TRDN: variants seen among roughly 807,000 people sequenced by gnomAD.
The protein encoded by TRDN is triadin in skeletal muscle.
TRDN carries 161 observed loss-of-function variants against 149.7 expected under a neutral mutation model. The observed-to-expected ratio is 1.08, with a 90% CI of 0.95 to 1.23. The LOEUF (loss-of-function observed/expected upper bound fraction) is 1.23. Ranked by LOEUF, TRDN falls within the 50% of genes most tolerant of loss-of-function variation. The pLI, the probability that TRDN is intolerant of heterozygous loss-of-function variation, is 0.00. For missense variants in TRDN, 896 were observed against 823.5 expected (o/e 1.09, Z -1.08); for synonymous variants, 294 against 250.5 (o/e 1.17, Z -1.64).
chr6:123,355,896 C>T (rs1050298378), intron 20 of TRDN, among the ~76,000 whole-genome samples: 31 of 151,858 alleles, frequency 2.0e-4, no homozygotes, highest in African/African-American at 7.0e-4. Flanking sequence ...TATATTAGAA[C>T]AGCATTGTAG....
intron 2 of TRDN, among the ~76,000 whole-genome samples, chr6:123,567,894 A>G (rs1050062337): frequency 6.6e-6 from 1 of 152,174 alleles, no homozygotes; most frequent in Non-Finnish European, 1.5e-5. Context: ...GCAAAATACA[A>G]TCATCCCCGA....
chr6:123,331,888 T>C lies in TRDN; in HGVS notation c.1462A>G (p.Lys488Glu), dbSNP rs1443718622. The change falls in exon 23 of 41, where the codon AAG (lysine) becomes GAG (glutamate). Residue 488 changes from lysine (K) to glutamate (E), a missense_variant. Transcript: ENST00000334268. ...GKEEKVPASL[K>E]EKEPETKKDE... Reference sequence around the variant, plus strand: ...CATTGTATAATATTACCTTTTTCCTTTAGGGAAGCTGGAACTTTCTCTTCT... The same window carrying C: ...CATTGTATAATATTACCTTTTTCCTCTAGGGAAGCTGGAACTTTCTCTTCT... The C allele has an allele frequency of 1.3e-6, 2 of 1,545,416 alleles. No individual in the cohort carries two copies. The highest frequency in any genetic ancestry group is 1.4e-5 in the African/African-American group (1 of 73,460).
At chr6:123,598,421 A>G (rs1265927673) in intron 1 of TRDN, among the ~76,000 whole-genome samples, 1 of 152,108 alleles carries the variant, frequency 6.6e-6, no homozygotes, top group East Asian at 1.9e-4. Flanking sequence ...AACATGAAGT[A>G]TCAAAGATTG....
At chr6:123,551,934 A>G (rs1315814884) in intron 2 of TRDN, among the ~76,000 whole-genome samples, 1 of 152,088 alleles carries the variant, frequency 6.6e-6, no homozygotes, top group Non-Finnish European at 1.5e-5. Context: ...ACTTTACTGC[A>G]TGGGAATAAA....
chr6:123,235,975 G>C (rs546621150), intron 38 of TRDN, among the ~76,000 whole-genome samples: 18 of 152,260 alleles, frequency 1.2e-4, no homozygotes, highest in African/African-American at 4.3e-4. Flanking sequence ...TGGCGATTGT[G>C]AATATAGCTG....
chr6:123,289,545 C>T (rs1777924326), intron 24 of TRDN, among the ~76,000 whole-genome samples: 1 of 152,148 alleles, frequency 6.6e-6, no homozygotes, highest in Non-Finnish European at 1.5e-5. Flanking sequence ...TTCAATCAGA[C>T]ACTTCCACTA....
At chr6:123,579,791 G>A (rs1006239862) in intron 1 of TRDN, among the ~76,000 whole-genome samples, 2 of 152,110 alleles carry the variant, frequency 1.3e-5, no homozygotes, top group Non-Finnish European at 2.9e-5. Flanking sequence ...AATCACGGGG[G>A]CAGTTTCCCC....
At chr6:123,393,327 A>G (rs1262741525) in intron 13 of TRDN, among the ~76,000 whole-genome samples, 1 of 152,080 alleles carries the variant, frequency 6.6e-6, no homozygotes, top group Non-Finnish European at 1.5e-5. Context: ...GTATTTCTTT[A>G]TGCACATCAA....
chr6:123,354,315 A>G (rs1210656174), intron 20 of TRDN, among the ~76,000 whole-genome samples: 2 of 151,872 alleles, frequency 1.3e-5, no homozygotes, highest in Admixed American at 6.6e-5. Context: ...AGATAATGCT[A>G]CAAGGGCTGT....
At chr6:123,624,385 A>T (rs1785545325) in intron 1 of TRDN, among the ~76,000 whole-genome samples, 2 of 152,272 alleles carry the variant, frequency 1.3e-5, no homozygotes, top group Admixed American at 1.3e-4. Flanking sequence ...AATCTGGTCT[A>T]CTTAATTCAA....
chr6:123,460,411 A>G (rs7744051), intron 10 of TRDN, among the ~76,000 whole-genome samples: 25,691 of 152,116 alleles, frequency 0.17, 2,339 homozygotes, highest in South Asian at 0.28. Flanking sequence ...AAAATGTGCT[A>G]TATTGTTATT....
rs3813328 is a variant in TRDN, at chr6:123,381,354, G to A, written c.1186+16C>T. The A allele has an allele frequency of 0.36, 560,101 of 1,543,182 alleles. 110,777 individuals are homozygous for A. The highest frequency in any genetic ancestry group is 0.73 in the East Asian group (30,545 of 41,596). On this transcript the variant is annotated intron_variant, in intron 16 of 40. Transcript: ENST00000334268. ...AAAAAAAAAAGTACACAAATACACTGCATGCATTTCCTTACTTTTTCCCTT... is the reference window on the plus strand; with the variant it reads ...AAAAAAAAAAGTACACAAATACACTACATGCATTTCCTTACTTTTTCCCTT...
intron 23 of TRDN, among the ~76,000 whole-genome samples, chr6:123,328,060 A>G (rs544226053): frequency 6.6e-6 from 1 of 152,242 alleles, no homozygotes; most frequent in South Asian, 2.1e-4. Context: ...ATCACTCCAT[A>G]TTTTCCACAT....
At chr6:123,257,200 G>A (rs1003570338) in intron 35 of TRDN, among the ~76,000 whole-genome samples, 6 of 152,042 alleles carry the variant, frequency 3.9e-5, no homozygotes, top group Non-Finnish European at 7.4e-5. Context: ...GGGTGGTCTC[G>A]ATCTCTTGAC....
At chr6:123,300,112 T>C (rs1778349540) in intron 24 of TRDN, among the ~76,000 whole-genome samples, 1 of 151,942 alleles carries the variant, frequency 6.6e-6, no homozygotes, top group Admixed American at 6.6e-5. Flanking sequence ...ACTTATCTAG[T>C]GAATGGCTTG....
At position 123,378,154 on chromosome 6, in the gene TRDN, A is replaced by G. The variant is rs531823001; in HGVS notation, c.1187-256T>C. Reference sequence around the variant, plus strand: ...AATTTGAATTTTTTACAGATGATAAACCAGAAAAATAAAATAGAATCCATA... The same window carrying G: ...AATTTGAATTTTTTACAGATGATAAGCCAGAAAAATAAAATAGAATCCATA... On this transcript the variant is annotated intron_variant, in intron 16 of 40. Transcript: ENST00000334268. Among the ~76,000 whole-genome samples the G allele has an allele frequency of 7.9e-5, 12 of 152,300 alleles. No homozygotes were observed. The East Asian group carries it at 2.1e-3, about 27-fold the overall frequency.
intron 12 of TRDN, among the ~76,000 whole-genome samples, chr6:123,396,608 T>C (rs1013506017): frequency 6.6e-6 from 1 of 152,216 alleles, no homozygotes; most frequent in Non-Finnish European, 1.5e-5. Flanking sequence ...CAGGAAATTA[T>C]CAGAGAAGTT....
chr6:123,294,099 T>G (rs1778105148), intron 24 of TRDN, among the ~76,000 whole-genome samples: 1 of 152,170 alleles, frequency 6.6e-6, no homozygotes, highest in African/African-American at 2.4e-5. Context: ...TTTTTGATAA[T>G]AGACTAGTGT....
intron 7 of TRDN, chr6:123,510,249 A>G (rs1021709376): frequency 6.6e-6 from 1 of 152,110 alleles, no homozygotes; most frequent in Non-Finnish European, 1.5e-5. Flanking sequence ...TGGTTATCTA[A>G]CGGAAGATTT....
Sources: allele counts gnomAD v4.1 joint callset (sites outside exome capture counted in the v4.1 genomes callset), GRCh38; gene constraint gnomAD v4.1.1; transcripts MANE v1.5; gene names NCBI Gene and HGNC (gene_info 2026-07-23, HGNC 2026-07-21).